Variants in CDH13 observed in about 807,000 individuals in gnomAD.
CDH13 encodes cadherin 13, also known as cadherin-13.
In CDH13, 24 loss-of-function variants were observed where a neutral mutation model predicts 63.8. The observed-to-expected ratio is 0.38, with a 90% CI of 0.27 to 0.53. The LOEUF (loss-of-function observed/expected upper bound fraction) is 0.53, where lower values mean the gene tolerates loss of function less well. CDH13 is among the 20% of genes least tolerant of loss of function. The pLI is 0.85. For synonymous variants in CDH13, 503 were observed against 355.3 expected, an observed-to-expected ratio of 1.42 and a Z score of -4.67; for missense variants, 1,049 against 903.1, an observed-to-expected ratio of 1.16 and a Z score of -2.07.
intron 1 of CDH13, among the ~76,000 whole-genome samples, chr16:82,670,075 T>C (rs1161250222): frequency 6.6e-6 from 1 of 152,174 alleles, no homozygotes; most frequent in Non-Finnish European, 1.5e-5. Flanking sequence ...GTCTCAGAGT[T>C]TGAGATTCTG....
At chr16:82,658,297 C>A (rs1203782521) in intron 1 of CDH13, among the ~76,000 whole-genome samples, 2 of 152,170 alleles carry the variant, frequency 1.3e-5, no homozygotes, top group African/African-American at 4.8e-5. Context: ...AAAGTAATGC[C>A]AGAAGAAAAC....
intron 6 of CDH13, among the ~76,000 whole-genome samples, chr16:83,458,895 C>G (rs2073095185): frequency 6.6e-6 from 1 of 152,204 alleles, no homozygotes; most frequent in Non-Finnish European, 1.5e-5. Context: ...AACATCCCAT[C>G]ATGCACTGCT....
At position 83,047,970 on chromosome 16, in the gene CDH13, T is replaced by A. The variant is rs1468401550; in HGVS notation, c.366+15752T>A. On this transcript the variant is annotated intron_variant, in intron 3 of 13. Transcript: ENST00000567109. The surrounding 1 kb of genome is among the most constrained non-coding windows in gnomAD (Gnocchi z 4.9). ...TGGAGACATATTTTTGCACTCAGAC[T>A]CCTCAAAAAAACATTTAACAAAATA... Among the ~76,000 whole-genome samples, 1 of 152,110 alleles carries A rather than the reference T, an allele frequency of 6.6e-6. No homozygotes were observed. Among genetic ancestry groups the A allele is most frequent in the Non-Finnish European group, 1.5e-5 (1 of 68,024 alleles).
intron 4 of CDH13, among the ~76,000 whole-genome samples, chr16:83,159,933 G>A (rs541028096): frequency 3.3e-5 from 5 of 152,066 alleles, no homozygotes; most frequent in South Asian, 4.2e-4. Flanking sequence ...AAAATTAGCC[G>A]GGCATGGTGG....
At chr16:83,593,506 C>T (rs1010929572) in intron 7 of CDH13, among the ~76,000 whole-genome samples, 1 of 151,948 alleles carries the variant, frequency 6.6e-6, no homozygotes, top group African/African-American at 2.4e-5. Flanking sequence ...CAGTACAAAT[C>T]AGGAGAATCT....
chr16:83,200,355 C>G (rs1376852536), intron 4 of CDH13, among the ~76,000 whole-genome samples: 2 of 152,154 alleles, frequency 1.3e-5, no homozygotes, highest in Non-Finnish European at 2.9e-5. Context: ...AAGACTAAAC[C>G]AGTCTCCTTT....
intron 13 of CDH13, among the ~76,000 whole-genome samples, chr16:83,790,683 G>A (rs1319687902): frequency 2.6e-5 from 4 of 152,276 alleles, no homozygotes; most frequent in Admixed American, 6.5e-5. Flanking sequence ...GATTACAGGC[G>A]TGAGCCACCA....
At chr16:82,967,752 A>G (rs892350466) in intron 2 of CDH13, among the ~76,000 whole-genome samples, 6 of 152,192 alleles carry the variant, frequency 3.9e-5, no homozygotes, top group Non-Finnish European at 8.8e-5. Flanking sequence ...AGTGCTTTGT[A>G]TCAGGCAGCA....
intron 13 of CDH13, among the ~76,000 whole-genome samples, chr16:83,786,250 G>C (rs1915870422): frequency 6.6e-6 from 1 of 152,146 alleles, no homozygotes; most frequent in Non-Finnish European, 1.5e-5. Context: ...CACTAAATTT[G>C]GCCTGAGCTT....
intron 6 of CDH13, among the ~76,000 whole-genome samples, chr16:83,395,202 T>A (rs2091864167): frequency 6.7e-6 from 1 of 148,672 alleles, no homozygotes; most frequent in African/African-American, 2.5e-5. Context: ...TAATCCCAGC[T>A]ACTTGGGAGG....
rs200000145 is a variant in CDH13 at position 83,602,592 on chromosome 16, G to C, written c.1099G>C (p.Glu367Gln). 1.3e-3 allele frequency: 2,048 copies of C among 1,613,892 alleles called. 5 individuals carry two copies. Among genetic ancestry groups the C allele is most frequent in the Middle Eastern group, 2.0e-3 (12 of 6,060 alleles). The change falls in exon 8 of 14, where the codon GAG becomes CAG. Residue 367 changes from glutamate to glutamine, a missense_variant and splice_region_variant. Coordinates refer to ENST00000567109, the MANE Select transcript of CDH13 (RefSeq NM_001257.5). ...TCACTCACCAAAATTCACCAAGAAAGAGGTAAACCCCTGTGCCAAACACCA... is the reference window on the plus strand; with the variant it reads ...TCACTCACCAAAATTCACCAAGAAACAGGTAAACCCCTGTGCCAAACACCA... ...NDHSPKFTKK[E>Q]FQATVEEGAV...
chr16:83,595,935 G>A (rs547359766), intron 7 of CDH13, among the ~76,000 whole-genome samples: 8 of 152,224 alleles, frequency 5.3e-5, no homozygotes, highest in African/African-American at 7.2e-5. Flanking sequence ...CAACGAAAGC[G>A]TTGAAGTCAG....
chr16:83,626,604 C>T (rs1052416943), intron 8 of CDH13, among the ~76,000 whole-genome samples: 2 of 152,010 alleles, frequency 1.3e-5, no homozygotes, highest in African/African-American at 4.8e-5. Flanking sequence ...TGAATGGTTC[C>T]TTTAGCTGCT....
intron 5 of CDH13, among the ~76,000 whole-genome samples, chr16:83,285,425 G>A (rs1270600368): frequency 6.6e-6 from 1 of 152,022 alleles, no homozygotes. Flanking sequence ...AGTTGATTTG[G>A]GGATGGGGTC....
intron 10 of CDH13, among the ~76,000 whole-genome samples, chr16:83,723,302 T>C (rs1232153036): frequency 6.6e-6 from 1 of 152,196 alleles, no homozygotes; most frequent in Non-Finnish European, 1.5e-5. Flanking sequence ...ATTTCACATA[T>C]AGAGAAGTAA....
At position 83,728,488 on chromosome 16, in the gene CDH13, A is replaced by G. The variant is rs532831331; in HGVS notation, c.1539-19620A>G. Among the ~76,000 whole-genome samples, 3 of 152,298 alleles carry G rather than the reference A, an allele frequency of 2.0e-5. No homozygotes were observed. The East Asian group carries it at 5.8e-4, about 29-fold the overall frequency. On this transcript the variant is annotated intron_variant, in intron 10 of 13. Transcript: ENST00000567109. Reference sequence around the variant, plus strand: ...TTTAGTGAGTGAATTAGGCTTGATAAGAACTACATTAAAGCTTCTGTTGGA... The same window carrying G: ...TTTAGTGAGTGAATTAGGCTTGATAGGAACTACATTAAAGCTTCTGTTGGA...
intron 2 of CDH13, among the ~76,000 whole-genome samples, chr16:82,988,413 T>C (rs1336955095): frequency 6.6e-6 from 1 of 152,028 alleles, no homozygotes; most frequent in East Asian, 1.9e-4. Context: ...GCTGGAGTTA[T>C]AGAGGCAGAT....
intron 7 of CDH13, among the ~76,000 whole-genome samples, chr16:83,523,347 G>A (rs1012630616): frequency 6.6e-6 from 1 of 152,228 alleles, no homozygotes; most frequent in Non-Finnish European, 1.5e-5. Context: ...GACTGTCTTG[G>A]TTGAACATGA....
At chr16:83,349,298 T>G (rs2090902721) in intron 6 of CDH13, among the ~76,000 whole-genome samples, 1 of 152,194 alleles carries the variant, frequency 6.6e-6, no homozygotes, top group Non-Finnish European at 1.5e-5. Context: ...AGACATGGTG[T>G]TCATGAGTAG....
Sources: allele counts gnomAD v4.1 joint callset (sites outside exome capture counted in the v4.1 genomes callset), GRCh38; gene constraint gnomAD v4.1.1; non-coding constraint Gnocchi (gnomAD v3.1); transcripts MANE v1.5; gene names NCBI Gene and HGNC (gene_info 2026-07-23, HGNC 2026-07-21).